RIMS1: variants seen among roughly 807,000 people sequenced by gnomAD.
RIMS1 encodes the protein regulating synaptic membrane exocytosis protein 1.
A neutral mutation model predicts 214.1 loss-of-function variants in RIMS1; 83 were observed. The observed-to-expected ratio is 0.39, with a 90% CI of 0.32 to 0.47. The LOEUF (loss-of-function observed/expected upper bound fraction) is 0.47. RIMS1 is among the 20% of genes least tolerant of loss of function. The probability of loss-of-function intolerance (pLI) is 0.99; values close to 1 mark genes in which losing one functional copy is unlikely to be tolerated. For synonymous variants in RIMS1, 793 were observed against 786.8 expected, an observed-to-expected ratio of 1.01 and a Z score of -0.13; for missense variants, 2,050 against 2,161.8, an observed-to-expected ratio of 0.95 and a Z score of 1.03.
At chr6:72,062,303 CTA>C (rs1161951045) in intron 2 of RIMS1, among the ~76,000 whole-genome samples, 2 of 151,432 alleles carry the variant, frequency 1.3e-5, no homozygotes, top group Admixed American at 6.6e-5. Context: ...TTTCAATTAT[CTA>C]TGTTTATGTG....
intron 6 of RIMS1, among the ~76,000 whole-genome samples, chr6:72,214,055 G>A (rs892481520): frequency 4.6e-5 from 7 of 152,168 alleles, no homozygotes; most frequent in Non-Finnish European, 1.0e-4. Context: ...TACCTAGACA[G>A]TGGCTCCAGT....
At chr6:72,152,807 ATG>A (rs2043833464) in intron 4 of RIMS1, among the ~76,000 whole-genome samples, 1 of 84,724 alleles carries the variant, frequency 1.2e-5, no homozygotes, top group Non-Finnish European at 2.1e-5. Flanking sequence ...ATGTATATAT[ATG>A]TATATATATG....
intron 16 of RIMS1, among the ~76,000 whole-genome samples, chr6:72,255,351 G>T (rs2075363792): frequency 6.6e-6 from 1 of 152,126 alleles, no homozygotes; most frequent in African/African-American, 2.4e-5. Context: ...TGTACTCAAG[G>T]AAGTTCCTGG....
intron 2 of RIMS1, among the ~76,000 whole-genome samples, chr6:71,992,519 C>T (rs540162949): frequency 6.7e-6 from 1 of 149,410 alleles, no homozygotes; most frequent in Admixed American, 6.7e-5. Flanking sequence ...TCCTCCTCCT[C>T]TTCCTCCTCC....
chr6:72,270,487 T>C (rs897136186), intron 22 of RIMS1, among the ~76,000 whole-genome samples: 1 of 152,182 alleles, frequency 6.6e-6, no homozygotes, highest in African/African-American at 2.4e-5. Flanking sequence ...GTTTAGGGGC[T>C]TAAAAAACAC....
At chr6:71,935,920 T>A (rs549738052) in intron 1 of RIMS1, among the ~76,000 whole-genome samples, 1 of 152,314 alleles carries the variant, frequency 6.6e-6, no homozygotes, top group South Asian at 2.1e-4. Context: ...TATGAACTAT[T>A]GAAAAATTAA....
In RIMS1 at chr6:72,399,111, T is replaced by C; in HGVS notation, c.4860+17T>C. 6 of 1,565,196 alleles carry C rather than the reference T, an allele frequency of 3.8e-6. No homozygotes were observed. Among genetic ancestry groups the C allele is most frequent in the Middle Eastern group, 1.7e-4 (1 of 5,892 alleles). On this transcript the variant is annotated intron_variant, in intron 33 of 33. Coordinates refer to ENST00000521978, the MANE Select transcript of RIMS1 (RefSeq NM_014989.7). ...GTTCTTCAGGTCAGTAATAGTTTGT[T>C]TGGCTTTTTACATTGAAATGTCTGT...
chr6:72,350,612 A>G (rs1244722462), intron 29 of RIMS1, among the ~76,000 whole-genome samples: 1 of 152,122 alleles, frequency 6.6e-6, no homozygotes, highest in East Asian at 1.9e-4. Context: ...ATATTTTCAT[A>G]GTTGTTACCC....
intron 19 of RIMS1, chr6:72,262,477 A>G (rs1468476911): frequency 3.0e-6 from 3 of 985,220 alleles, no homozygotes; most frequent in Non-Finnish European, 3.6e-6. Flanking sequence ...TGAGCTAGCC[A>G]AATGTGTCAG....
In RIMS1 at chr6:71,916,682, C is replaced by A. The variant is rs944487072; in HGVS notation, c.164+29495C>A. Among the ~76,000 whole-genome samples, 5 of 152,126 alleles carry A rather than the reference C, an allele frequency of 3.3e-5. No homozygotes were observed. The South Asian group carries it at 1.0e-3, about 32-fold the overall frequency. On this transcript the variant is annotated intron_variant, in intron 1 of 33. Coordinates refer to ENST00000521978, the MANE Select transcript of RIMS1 (RefSeq NM_014989.7). Reference sequence around the variant, plus strand: ...AACCGGAATACTTTTTTGAAAGATGCCTTGAGAATTCAAAAGGGATATTGC... The same window carrying A: ...AACCGGAATACTTTTTTGAAAGATGACTTGAGAATTCAAAAGGGATATTGC...
In RIMS1 at chr6:72,196,603, T is replaced by TA. The variant is rs1554269526; in HGVS notation, c.1678+13455dup. Among the ~76,000 whole-genome samples the TA allele has an allele frequency of 7.7e-3, 1,024 of 132,274 alleles. 20 individuals carry two copies. Among genetic ancestry groups the TA allele is most frequent in the South Asian group, 0.027 (110 of 4,004 alleles). 86.8% of individuals were successfully genotyped at this position (132,274 alleles called of 152,430 possible). Reference sequence around the variant, plus strand: ...CACTTTTTTTTTTTTTTTTTTTTTTTACCTATACAGGAAATGGGTTAAAAG... The same window carrying TA: ...CACTTTTTTTTTTTTTTTTTTTTTTTAACCTATACAGGAAATGGGTTAAAAG... On this transcript the variant is annotated intron_variant, in intron 6 of 33. Coordinates refer to ENST00000521978, the MANE Select transcript of RIMS1 (RefSeq NM_014989.7).
intron 6 of RIMS1, among the ~76,000 whole-genome samples, chr6:72,204,663 G>T (rs184099065): frequency 2.6e-4 from 40 of 152,202 alleles, no homozygotes; most frequent in African/African-American, 9.2e-4. Context: ...TTAATTATAA[G>T]CATAAACGGA....
chr6:72,316,145 T>C (rs752372533), intron 28 of RIMS1, among the ~76,000 whole-genome samples: 1 of 151,958 alleles, frequency 6.6e-6, no homozygotes, highest in Admixed American at 6.5e-5. Flanking sequence ...ACCATGACCA[T>C]GTAGGGTCCA....
chr6:72,366,733 T>C, intron 29 of RIMS1: 2 of 985,770 alleles, frequency 2.0e-6, no homozygotes, highest in Non-Finnish European at 2.4e-6. Context: ...AGAAGACAGT[T>C]CACAGGCAGC....
chr6:71,947,632 A>G (rs987816854), intron 1 of RIMS1, among the ~76,000 whole-genome samples: 13 of 152,146 alleles, frequency 8.5e-5, no homozygotes, highest in Admixed American at 4.6e-4. Flanking sequence ...ATATTACATC[A>G]TGATGGCTGC....
chr6:72,034,716 A>T (rs776347881), intron 2 of RIMS1, among the ~76,000 whole-genome samples: 17 of 152,106 alleles, frequency 1.1e-4, no homozygotes, highest in Non-Finnish European at 2.4e-4. Context: ...TATTATCACT[A>T]AGAAATGAGC....
At chr6:72,100,501 T>C (rs565638916) in intron 4 of RIMS1, among the ~76,000 whole-genome samples, 1 of 152,136 alleles carries the variant, frequency 6.6e-6, no homozygotes, top group Admixed American at 6.6e-5. Flanking sequence ...CCTATGAATA[T>C]GAATAACTTG....
intron 2 of RIMS1, among the ~76,000 whole-genome samples, chr6:71,991,720 T>C (rs1801611995): frequency 6.6e-6 from 1 of 152,174 alleles, no homozygotes; most frequent in South Asian, 2.1e-4. Context: ...AAATGTATTG[T>C]TATGAGAACT....
At chr6:72,362,655 C>T (rs542588690) in intron 29 of RIMS1, among the ~76,000 whole-genome samples, 13 of 152,274 alleles carry the variant, frequency 8.5e-5, no homozygotes, top group Admixed American at 2.6e-4. Context: ...TAAAATGCTT[C>T]ATTCAGCACT....
Sources: allele counts gnomAD v4.1 joint callset (sites outside exome capture counted in the v4.1 genomes callset), GRCh38; gene constraint gnomAD v4.1.1; transcripts MANE v1.5; gene names NCBI Gene and HGNC (gene_info 2026-07-23, HGNC 2026-07-21).